Variants in CEP83 observed in about 807,000 individuals in gnomAD.
CEP83 encodes the protein centrosomal protein of 83 kDa.
CEP83 carries 70 observed loss-of-function variants against 101.9 expected under a neutral mutation model. The observed-to-expected ratio is 0.69, with a 90% CI of 0.57 to 0.84. The LOEUF is 0.84. Ranked by LOEUF, CEP83 falls within the 40% of genes least tolerant of loss-of-function variation. The pLI, the probability that CEP83 is intolerant of heterozygous loss-of-function variation, is 0.00. For missense variants in CEP83, 715 were observed against 787.2 expected, an observed-to-expected ratio of 0.91 and a Z score of 1.10; for synonymous variants, 264 against 267.9, an observed-to-expected ratio of 0.99 and a Z score of 0.14.
At chr12:94,337,792 T>C (rs1172980620) in intron 11 of CEP83, among the ~76,000 whole-genome samples, 1 of 151,666 alleles carries the variant, frequency 6.6e-6, no homozygotes, top group African/African-American at 2.4e-5. Flanking sequence ...ATAGAGGAAG[T>C]AGAGAGATGG....
the CEP83 span, chr12:94,282,068 T>G: frequency 4.3e-6 from 2 of 461,502 alleles, no homozygotes; most frequent in Non-Finnish European, 7.9e-6. Flanking sequence ...CTTCAGTGGC[T>G]TTACTTCCAG....
intron 6 of CEP83, among the ~76,000 whole-genome samples, chr12:94,382,180 A>G (rs1047689679): frequency 2.6e-5 from 4 of 152,002 alleles, no homozygotes; most frequent in Non-Finnish European, 5.9e-5. Context: ...TTTCCCTTCT[A>G]ATGTCTGCAA....
the CEP83 span, among the ~76,000 whole-genome samples, chr12:94,268,894 C>T: frequency 1.3e-5 from 2 of 152,066 alleles, no homozygotes; most frequent in East Asian, 1.9e-4. Flanking sequence ...TGCATCCGGC[C>T]GATAATAAGA....
chr12:94,293,953 T>C, the CEP83 span, among the ~76,000 whole-genome samples: 1 of 151,974 alleles, frequency 6.6e-6, no homozygotes, highest in Non-Finnish European at 1.5e-5. Flanking sequence ...ACTATTCCCA[T>C]CATGAGGGCT....
Position 94,354,633 on chromosome 12 carries a change from CAAG to C in CEP83, c.1343+13158_1343+13160del, listed in dbSNP as rs536501465. Among the ~76,000 whole-genome samples the C allele has an allele frequency of 1.4e-4, 22 of 152,176 alleles. No individual in the cohort carries two copies. The East Asian group carries it at 4.1e-3, about 28-fold the overall frequency. Reference sequence around the variant, plus strand: ...GCAGTATAAAACTAGAAATCAGTAACAAGAAGAACTCTGAAAGGTGTACAAATA... The same window carrying C: ...GCAGTATAAAACTAGAAATCAGTAACAAGAACTCTGAAAGGTGTACAAATA... On this transcript the variant is annotated intron_variant, in intron 11 of 16. Transcript: ENST00000397809.
intron 1 of CEP83, among the ~76,000 whole-genome samples, chr12:94,456,092 C>T (rs924936830): frequency 1.3e-5 from 2 of 151,708 alleles, no homozygotes; most frequent in Admixed American, 6.6e-5. Flanking sequence ...ACTTGACAGT[C>T]AGTGATCTCT....
chr12:94,319,450 G>A (rs1359148918), intron 14 of CEP83, among the ~76,000 whole-genome samples: 1 of 152,080 alleles, frequency 6.6e-6, no homozygotes, highest in Non-Finnish European at 1.5e-5. Flanking sequence ...TCCTCTCATT[G>A]TTTTAGTTGT....
intron 7 of CEP83, among the ~76,000 whole-genome samples, chr12:94,376,747 AT>A (rs55973264): frequency 0.042 from 5,090 of 120,040 alleles, 324 homozygotes; most frequent in African/African-American, 0.14. Context: ...ATATATATAT[AT>A]TTTTTTTTTG....
rs138799197 is a variant in CEP83 at position 94,328,275 on chromosome 12, C to T, written c.1707+3425G>A. On this transcript the variant is annotated intron_variant, in intron 14 of 16. Coordinates refer to ENST00000397809, the MANE Select transcript of CEP83 (RefSeq NM_016122.3). ...ACACTCTCTCTGTATGTATCAGTCA[C>T]AGAAGGGCATCCCAACTCAAGATCC... 5.4e-4 allele frequency: 196 copies of T among 365,674 alleles called. 1 individual carries two copies. The East Asian group carries it at 0.018, about 34-fold the overall frequency. The allele number at this position is 365,674 out of a possible 1,614,324, so 22.7% of individuals were successfully genotyped here.
intron 6 of CEP83, among the ~76,000 whole-genome samples, chr12:94,379,881 T>C (rs991905209): frequency 6.6e-6 from 1 of 152,170 alleles, no homozygotes; most frequent in South Asian, 2.1e-4. Flanking sequence ...ACCAAATTTC[T>C]GGCATTAACC....
In CEP83 at chr12:94,367,929, T is replaced by C. The variant is rs772228387; in HGVS notation, c.1208A>G (p.Asn403Ser). Reference protein sequence around the residue: ...VLQDEKLELENRLADLEKMKV... With the variant: ...VLQDEKLELESRLADLEKMKV... The stretch of plus-strand genomic sequence containing the variant: ...CATTTTCTCCAAATCTGCTAATCTG[T>C]TCTCGAGTTCTAACCTAAAACAAGA... The change falls in exon 11 of 17, where the codon AAC (asparagine) becomes AGC (serine). Residue 403 changes from asparagine to serine, a missense_variant. Physicochemically the swap from Asn to Ser is conservative, Grantham distance 46 (BLOSUM62 1). Transcript: ENST00000397809. 4 of 1,613,252 alleles carry C rather than the reference T, an allele frequency of 2.5e-6. No homozygotes were observed. In the South Asian group the frequency reaches 4.4e-5, roughly 18 times the overall value.
chr12:94,330,928 T>C (rs530779796), intron 14 of CEP83, among the ~76,000 whole-genome samples: 37 of 152,304 alleles, frequency 2.4e-4, no homozygotes, highest in African/African-American at 7.7e-4. Flanking sequence ...CAGCAAAATG[T>C]CATGCTTATA....
intron 8 of CEP83, among the ~76,000 whole-genome samples, chr12:94,371,142 A>T (rs1323563663): frequency 6.6e-6 from 1 of 152,214 alleles, no homozygotes; most frequent in Non-Finnish European, 1.5e-5. Context: ...GCACCGGAAG[A>T]TGTGAAATCT....
At chr12:94,316,851 T>C (rs1416675718) in intron 14 of CEP83, among the ~76,000 whole-genome samples, 1 of 152,168 alleles carries the variant, frequency 6.6e-6, no homozygotes, top group African/African-American at 2.4e-5. Flanking sequence ...GTTGATTCCA[T>C]GTCTTTGCTA....
chr12:94,365,589 G>A (rs1283964156), intron 11 of CEP83, among the ~76,000 whole-genome samples: 1 of 152,044 alleles, frequency 6.6e-6, no homozygotes, highest in Non-Finnish European at 1.5e-5. Flanking sequence ...GGCCAACATG[G>A]TGAAACCCCA....
chr12:94,459,991 C>G (rs1157636600), upstream of CEP83: 1 of 152,664 alleles, frequency 6.6e-6, no homozygotes, highest in African/African-American at 2.4e-5. Flanking sequence ...TCCCACCCCC[C>G]ACGCCGACGT....
At chr12:94,297,565 C>A in the CEP83 span, 1 of 628,948 alleles carries the variant, frequency 1.6e-6, no homozygotes, top group Non-Finnish European at 2.8e-6. Context: ...ATTGTAAACA[C>A]TTCCTACCCA....
chr12:94,379,424 T>A (rs1417120168), intron 6 of CEP83, among the ~76,000 whole-genome samples: 1 of 152,200 alleles, frequency 6.6e-6, no homozygotes, highest in Non-Finnish European at 1.5e-5. Flanking sequence ...ATGACTGTAA[T>A]TCTTGAGCTA....
intron 6 of CEP83, among the ~76,000 whole-genome samples, chr12:94,397,593 A>G (rs973221415): frequency 3.3e-5 from 5 of 152,232 alleles, no homozygotes; most frequent in Admixed American, 1.3e-4. Context: ...TGAAAAATAG[A>G]TTAGTCATCA....
Sources: allele counts gnomAD v4.1 joint callset (sites outside exome capture counted in the v4.1 genomes callset), GRCh38; gene constraint gnomAD v4.1.1; transcripts MANE v1.5; gene names NCBI Gene and HGNC (gene_info 2026-07-23, HGNC 2026-07-21).